Variants in SLC39A12 observed in about 807,000 individuals in gnomAD.
SLC39A12 encodes solute carrier family 39 member 12.
A neutral mutation model predicts 71.1 loss-of-function variants in SLC39A12; 63 were observed. That is an observed-to-expected ratio of 0.89 (90% CI 0.72 to 1.09). The LOEUF (loss-of-function observed/expected upper bound fraction) is 1.09, where lower values mean the gene tolerates loss of function less well. Ranked by LOEUF, SLC39A12 falls within the 50% of genes least tolerant of loss-of-function variation. SLC39A12 has a pLI of 0.00. For synonymous variants in SLC39A12, 351 were observed against 301.3 expected, an observed-to-expected ratio of 1.16 and a Z score of -1.71; for missense variants, 892 against 812.6, an observed-to-expected ratio of 1.10 and a Z score of -1.19.
intron 11 of SLC39A12, chr10:18,002,511 C>T (rs191016089): frequency 6.6e-6 from 1 of 152,122 alleles, no homozygotes; most frequent in African/African-American, 2.4e-5. Flanking sequence ...TTCATGGGAA[C>T]AATTATGCAA....
chr10:18,030,709 T>C (rs1461707453), intron 12 of SLC39A12, among the ~76,000 whole-genome samples: 4 of 151,234 alleles, frequency 2.6e-5, no homozygotes, highest in Admixed American at 1.3e-4. Context: ...GTTACATATG[T>C]ATACATGTGC....
chr10:17,968,073 A>G (rs189599494), intron 4 of SLC39A12, among the ~76,000 whole-genome samples: 64 of 151,698 alleles, frequency 4.2e-4, no homozygotes, highest in Admixed American at 9.8e-4. Context: ...ATATACACAC[A>G]TATGTATACA....
intron 4 of SLC39A12, among the ~76,000 whole-genome samples, chr10:17,973,677 C>A (rs1451422850): frequency 6.6e-6 from 1 of 151,982 alleles, no homozygotes; most frequent in African/African-American, 2.4e-5. Flanking sequence ...TATCTTTGAT[C>A]TTTGGTAGTT....
chr10:17,965,586 C>T lies in SLC39A12; in HGVS notation c.647C>T (p.Ser216Phe), dbSNP rs752831300. 3 of 1,614,120 alleles carry T rather than the reference C, an allele frequency of 1.9e-6. No homozygotes were observed. Among genetic ancestry groups the T allele is most frequent in the Non-Finnish European group, 2.5e-6 (3 of 1,179,978 alleles). Residue 216 changes from serine (S) to phenylalanine (F), a missense_variant, in exon 4 of 13, where the codon TCC (serine) becomes TTC (phenylalanine). Coordinates refer to ENST00000377369, the MANE Select transcript of SLC39A12 (RefSeq NM_001145195.2). Reference sequence around the variant, plus strand: ...TTGGCAGCCATGATCATTACTTTGTCCCTCCAGGGTGTTTGTCTGGGACAA... The same window carrying T: ...TTGGCAGCCATGATCATTACTTTGTTCCTCCAGGGTGTTTGTCTGGGACAA... The part of the protein sequence containing the change: ...PQLAAMIITL[S>F]LQGVCLGQGN...
chr10:17,989,928 C>T (rs1452266157), intron 7 of SLC39A12, among the ~76,000 whole-genome samples: 1 of 151,684 alleles, frequency 6.6e-6, no homozygotes, highest in Non-Finnish European at 1.5e-5. Context: ...AAAAAAGAGA[C>T]GAGGACGAAA....
At chr10:17,992,818 C>G (rs1835588090) in intron 8 of SLC39A12, among the ~76,000 whole-genome samples, 1 of 152,138 alleles carries the variant, frequency 6.6e-6, no homozygotes, top group Non-Finnish European at 1.5e-5. Flanking sequence ...GTTTTAGGAA[C>G]TGCAAATGCT....
intron 4 of SLC39A12, among the ~76,000 whole-genome samples, chr10:17,966,574 G>T (rs1366545105): frequency 1.3e-5 from 2 of 152,004 alleles, no homozygotes; most frequent in Non-Finnish European, 2.9e-5. Context: ...GCCTCCTAAA[G>T]TGCTGGGACT....
intron 6 of SLC39A12, among the ~76,000 whole-genome samples, chr10:17,986,578 G>A (rs1299850953): frequency 6.6e-6 from 1 of 152,154 alleles, no homozygotes; most frequent in Non-Finnish European, 1.5e-5. Context: ...CCTCCCAAAG[G>A]CCTCACTTCC....
intron 6 of SLC39A12, among the ~76,000 whole-genome samples, chr10:17,982,075 T>C (rs1429341469): frequency 6.6e-6 from 1 of 152,116 alleles, no homozygotes; most frequent in Non-Finnish European, 1.5e-5. Flanking sequence ...GTATAAAAAA[T>C]GAAAACACAT....
intron 9 of SLC39A12, among the ~76,000 whole-genome samples, chr10:17,994,499 A>G (rs567317822): frequency 1.3e-5 from 2 of 152,328 alleles, no homozygotes; most frequent in East Asian, 3.9e-4. Flanking sequence ...ATGTGACAAT[A>G]AATAGCTTTT....
rs188175158 is a variant in SLC39A12, at chr10:17,952,406, A to C, written c.-87+381A>C. Among the ~76,000 whole-genome samples the C allele has an allele frequency of 2.3e-3, 348 of 152,254 alleles. 1 individual carries two copies. The highest frequency in any genetic ancestry group is 2.6e-3 in the Non-Finnish European group (177 of 68,024). Reference sequence around the variant, plus strand: ...AATCTTGATTCTTAGTAAACTAAAAAAAAGACCTGTGTTTTCTGAACATTA... The same window carrying C: ...AATCTTGATTCTTAGTAAACTAAAACAAAGACCTGTGTTTTCTGAACATTA... On this transcript the variant is annotated intron_variant, in intron 1 of 12. Transcript: ENST00000377369.
At chr10:18,030,422 G>A (rs1368654038) in intron 12 of SLC39A12, among the ~76,000 whole-genome samples, 1 of 151,482 alleles carries the variant, frequency 6.6e-6, no homozygotes, top group African/African-American at 2.4e-5. Context: ...TATTTTTTTA[G>A]TAGAGACGGG....
intron 12 of SLC39A12, among the ~76,000 whole-genome samples, chr10:18,037,111 C>G (rs1401489180): frequency 6.6e-6 from 1 of 152,032 alleles, no homozygotes; most frequent in South Asian, 2.1e-4. Context: ...GATTATACCT[C>G]TTTCCAAAAT....
At chr10:17,989,763 C>T (rs1461358930) in intron 7 of SLC39A12, among the ~76,000 whole-genome samples, 1 of 151,896 alleles carries the variant, frequency 6.6e-6, no homozygotes, top group Non-Finnish European at 1.5e-5. Flanking sequence ...TACTAAAAAT[C>T]AAAAACTAGC....
intron 12 of SLC39A12, among the ~76,000 whole-genome samples, chr10:18,018,510 A>G (rs1836445480): frequency 6.6e-6 from 1 of 152,132 alleles, no homozygotes; most frequent in Non-Finnish European, 1.5e-5. Flanking sequence ...TATTTTAGCT[A>G]TAGGTTTTTG....
At chr10:17,983,084 C>A (rs1478058607) in intron 6 of SLC39A12, among the ~76,000 whole-genome samples, 1 of 141,104 alleles carries the variant, frequency 7.1e-6, no homozygotes, top group Middle Eastern at 3.9e-3. Context: ...GCTGTAGTCC[C>A]AGCTACTTGG....
At chr10:17,990,154 A>G (rs1002405515) in intron 7 of SLC39A12, among the ~76,000 whole-genome samples, 1 of 152,182 alleles carries the variant, frequency 6.6e-6, no homozygotes, top group Non-Finnish European at 1.5e-5. Flanking sequence ...GATATTACAA[A>G]TGTTCCCTAT....
intron 12 of SLC39A12, among the ~76,000 whole-genome samples, chr10:18,006,530 A>T (rs889888767): frequency 6.6e-6 from 1 of 152,216 alleles, no homozygotes; most frequent in Non-Finnish European, 1.5e-5. Flanking sequence ...TTTGGAGGTG[A>T]TCCCAGGGAG....
intron 2 of SLC39A12, among the ~76,000 whole-genome samples, chr10:17,960,821 T>C (rs1834669794): frequency 6.6e-6 from 1 of 152,220 alleles, no homozygotes; most frequent in African/African-American, 2.4e-5. Context: ...TCAAAGACTT[T>C]GTTCAAGAAG....
Sources: gnomAD v4.1 joint callset for allele counts (sites outside exome capture counted in the v4.1 genomes callset) on GRCh38, gnomAD v4.1.1 for gene constraint, MANE v1.5 for transcripts, NCBI Gene and HGNC (gene_info 2026-07-23, HGNC 2026-07-21) for gene names.